Variants in SHLD1 observed in about 807,000 individuals in gnomAD.
The protein encoded by SHLD1 is shieldin complex subunit 1, also known as RINN1-REV7-interacting novel NHEJ regulator 3.
SHLD1 carries 3 observed loss-of-function variants against 5.5 expected under a neutral mutation model. The observed-to-expected ratio is 0.54, with a 90% CI of 0.25 to 1.40. SHLD1 has a LOEUF of 1.40. Ranked by LOEUF, SHLD1 falls within the 40% of genes most tolerant of loss-of-function variation. The pLI is 0.15. For missense variants in SHLD1, 210 were observed against 244.4 expected (o/e 0.86, Z 0.94); for synonymous variants, 92 against 94.3 (o/e 0.98, Z 0.14).
chr20:5,861,273 A>T (rs1777351), intron 2 of SHLD1, among the ~76,000 whole-genome samples: 110,675 of 152,210 alleles, frequency 0.73, 40,409 homozygotes, highest in African/African-American at 0.79. Flanking sequence ...ATGTTTCCAC[A>T]GAGTCCACAG....
At chr20:5,776,117 G>T (rs949681044) in intron 2 of SHLD1, among the ~76,000 whole-genome samples, 1 of 151,660 alleles carries the variant, frequency 6.6e-6, no homozygotes, top group African/African-American at 2.4e-5. Context: ...TAGTAGAGAC[G>T]GGGTTCACCA....
chr20:5,810,221 C>T (rs963746205), intron 2 of SHLD1, among the ~76,000 whole-genome samples: 3 of 151,326 alleles, frequency 2.0e-5, no homozygotes, highest in Non-Finnish European at 4.4e-5. Flanking sequence ...CGTGCCACTG[C>T]ACTCCAGCCT....
chr20:5,771,923 G>T, intron 1 of SHLD1: 1 of 246,626 alleles, frequency 4.1e-6, no homozygotes, highest in Non-Finnish European at 8.0e-6. Flanking sequence ...TGCCCAGGCT[G>T]GAGTGCAATA....
At chr20:5,861,178 C>T (rs1273690182) in intron 2 of SHLD1, among the ~76,000 whole-genome samples, 2 of 152,244 alleles carry the variant, frequency 1.3e-5, no homozygotes, top group Non-Finnish European at 2.9e-5. Flanking sequence ...CTCTGCTTCT[C>T]CATTGCGTGG....
chr20:5,789,433 T>C (rs889944347), intron 2 of SHLD1, among the ~76,000 whole-genome samples: 7 of 151,594 alleles, frequency 4.6e-5, no homozygotes, highest in Admixed American at 1.3e-4. Flanking sequence ...AAAAATTAGC[T>C]GGGCGTGGTG....
intron 2 of SHLD1, among the ~76,000 whole-genome samples, chr20:5,827,135 T>TG (rs5840107): frequency 0.96 from 146,822 of 152,258 alleles, 70,873 homozygotes; most frequent in East Asian, 1. Flanking sequence ...TGAGTGGGCG[T>TG]GGCACCCACA....
intron 2 of SHLD1, among the ~76,000 whole-genome samples, chr20:5,825,421 G>A (rs536198540): frequency 4.6e-5 from 7 of 152,192 alleles, no homozygotes; most frequent in African/African-American, 7.2e-5. Context: ...TTAACAGCCC[G>A]CAGTGCAAAT....
intron 2 of SHLD1, among the ~76,000 whole-genome samples, chr20:5,852,351 G>A (rs1176698028): frequency 6.6e-6 from 1 of 152,022 alleles, no homozygotes; most frequent in Non-Finnish European, 1.5e-5. Flanking sequence ...TGCTGTATTG[G>A]ACAGTACAGA....
intron 1 of SHLD1, among the ~76,000 whole-genome samples, chr20:5,753,454 G>A (rs990216107): frequency 6.6e-6 from 1 of 152,154 alleles, no homozygotes; most frequent in Admixed American, 6.6e-5. Flanking sequence ...CGAGGGTTAG[G>A]GAGTCCTTGG....
rs552595271 is a variant in SHLD1, at chr20:5,815,205, A to G, written c.178+42162A>G. Among the ~76,000 whole-genome samples the G allele has an allele frequency of 2.0e-5, 3 of 152,268 alleles. No homozygotes were observed. In the South Asian group the frequency reaches 6.2e-4, roughly 32 times the overall value. ...TCAGCCTTGTCTGCACATCGGCATC[A>G]ACTGCAAGTTTTAATGATCTTGATG... On this transcript the variant is annotated intron_variant, in intron 2 of 2. Transcript: ENST00000303142.
At chr20:5,767,122 ATTTTCTTTTCTTTTC>A (rs60269759) in intron 1 of SHLD1, among the ~76,000 whole-genome samples, 3,126 of 149,308 alleles carry the variant, frequency 0.021, 125 homozygotes, top group African/African-American at 0.072. Flanking sequence ...CTCCATTCAC[ATTTTCTTTTCTTTTC>A]TTTTCTTTTC....
At chr20:5,760,407 A>G (rs980263466) in intron 1 of SHLD1, among the ~76,000 whole-genome samples, 9 of 152,080 alleles carry the variant, frequency 5.9e-5, no homozygotes, top group African/African-American at 2.2e-4. Flanking sequence ...AAGGACCAAG[A>G]TGAGGCCGGG....
chr20:5,855,921 G>A lies in SHLD1; in HGVS notation c.179-7103G>A, dbSNP rs1008973380. On this transcript the variant is annotated intron_variant, in intron 2 of 2. Transcript: ENST00000303142. The surrounding 1 kb of genome is among the most constrained non-coding windows in gnomAD (Gnocchi z 4.4). ...AAATATGAACAGAAGTAATAGAGCTGTCCCAGTCACTGCTGATTTCCCCAT... is the reference window on the plus strand; with the variant it reads ...AAATATGAACAGAAGTAATAGAGCTATCCCAGTCACTGCTGATTTCCCCAT... 2.6e-5 allele frequency among the ~76,000 whole-genome samples: 4 copies of A among 152,160 alleles called. No individual in the cohort carries two copies. The highest frequency in any genetic ancestry group is 9.7e-5 in the African/African-American group (4 of 41,422).
intron 2 of SHLD1, among the ~76,000 whole-genome samples, chr20:5,801,323 A>C (rs144041992): frequency 0.046 from 7,017 of 151,696 alleles, 536 homozygotes; most frequent in African/African-American, 0.16. Context: ...CGATCCACCC[A>C]CTTCCGCCTC....
At chr20:5,835,403 C>T (rs778451267) in intron 2 of SHLD1, among the ~76,000 whole-genome samples, 2 of 152,164 alleles carry the variant, frequency 1.3e-5, no homozygotes, top group Admixed American at 6.5e-5. Flanking sequence ...GGGAAGTCCC[C>T]GTGCCATAAG....
chr20:5,839,843 G>A (rs1217176347), intron 2 of SHLD1, among the ~76,000 whole-genome samples: 2 of 152,168 alleles, frequency 1.3e-5, no homozygotes, highest in African/African-American at 4.8e-5. Flanking sequence ...GCAGTTGGAG[G>A]TGGTTATCGA....
intron 2 of SHLD1, among the ~76,000 whole-genome samples, chr20:5,832,314 G>A (rs1003055306): frequency 6.6e-6 from 1 of 152,190 alleles, no homozygotes; most frequent in African/African-American, 2.4e-5. Context: ...AGCTCCTCGG[G>A]CAGAGTGGAA....
intron 2 of SHLD1, among the ~76,000 whole-genome samples, chr20:5,782,095 C>T (rs1357799970): frequency 6.6e-6 from 1 of 152,142 alleles, no homozygotes; most frequent in Non-Finnish European, 1.5e-5. Flanking sequence ...CTGGTCAACT[C>T]CAGTCCACTC....
At chr20:5,823,546 C>T (rs984220894) in intron 2 of SHLD1, among the ~76,000 whole-genome samples, 3 of 151,246 alleles carry the variant, frequency 2.0e-5, no homozygotes, top group South Asian at 2.1e-4. Flanking sequence ...CTCCTGGGTT[C>T]AAGCAATTTT....
Sources: allele counts gnomAD v4.1 joint callset (sites outside exome capture counted in the v4.1 genomes callset), GRCh38; gene constraint gnomAD v4.1.1; non-coding constraint Gnocchi (gnomAD v3.1); transcripts MANE v1.5; gene names NCBI Gene and HGNC (gene_info 2026-07-23, HGNC 2026-07-21).